Variants in SHC4 observed in about 807,000 individuals in gnomAD.
The protein encoded by SHC4 is SHC-transforming protein 4.
In SHC4, 41 loss-of-function variants were observed where a neutral mutation model predicts 69.4. The ratio of observed to expected loss-of-function variants is 0.59; its 90% CI spans 0.46 to 0.77. The LOEUF (loss-of-function observed/expected upper bound fraction) is 0.77, where lower values mean the gene tolerates loss of function less well. Among genes scored for constraint, SHC4 ranks in the 30% least tolerant of loss-of-function variants. The probability of loss-of-function intolerance (pLI) is 0.00; values close to 1 mark genes in which losing one functional copy is unlikely to be tolerated. For missense variants in SHC4, 777 were observed against 783.8 expected (o/e 0.99, Z 0.10); for synonymous variants, 318 against 299.3 (o/e 1.06, Z -0.64).
At chr15:48,937,460 T>G (rs969617167) in intron 1 of SHC4, among the ~76,000 whole-genome samples, 1 of 152,192 alleles carries the variant, frequency 6.6e-6, no homozygotes, top group Non-Finnish European at 1.5e-5. Context: ...CCAGATCTTT[T>G]GATGTTTAAA....
At chr15:48,944,690 G>A (rs1438230004) in intron 1 of SHC4, among the ~76,000 whole-genome samples, 1 of 152,190 alleles carries the variant, frequency 6.6e-6, no homozygotes, top group Non-Finnish European at 1.5e-5. Flanking sequence ...AATCTGAAGT[G>A]ATAAGGGGGA....
intron 8 of SHC4, among the ~76,000 whole-genome samples, chr15:48,854,944 C>A (rs1056746519): frequency 2.0e-5 from 3 of 152,100 alleles, no homozygotes; most frequent in Non-Finnish European, 2.9e-5. Flanking sequence ...CAAACCTGCA[C>A]ACATACTCCC....
intron 1 of SHC4, chr15:48,947,205 T>C (rs1163991170): frequency 1.3e-5 from 2 of 152,174 alleles, no homozygotes; most frequent in East Asian, 3.9e-4. Flanking sequence ...AAAATCAGCA[T>C]GAAAACAGAT....
At chr15:48,932,076 C>G (rs1487480914) in intron 1 of SHC4, among the ~76,000 whole-genome samples, 1 of 152,046 alleles carries the variant, frequency 6.6e-6, no homozygotes, top group East Asian at 1.9e-4. Context: ...GAATATGGCC[C>G]TCCCTAAGAT....
intron 7 of SHC4, among the ~76,000 whole-genome samples, chr15:48,857,041 T>C (rs1899333831): frequency 6.6e-6 from 1 of 152,204 alleles, no homozygotes; most frequent in African/African-American, 2.4e-5. Context: ...CATTTTAAAG[T>C]ACCCAAGAGT....
chr15:48,889,279 G>A (rs1900091008), intron 3 of SHC4, among the ~76,000 whole-genome samples: 1 of 152,200 alleles, frequency 6.6e-6, no homozygotes, highest in Non-Finnish European at 1.5e-5. Flanking sequence ...AGTCCTTGAT[G>A]GAATTTAAGA....
At chr15:48,903,596 A>C (rs961471379) in intron 2 of SHC4, among the ~76,000 whole-genome samples, 1 of 152,176 alleles carries the variant, frequency 6.6e-6, no homozygotes, top group Middle Eastern at 3.2e-3. Flanking sequence ...AATTACGTGG[A>C]GACCTCATTT....
At chr15:48,829,646 G>A (rs932747745) in intron 11 of SHC4, among the ~76,000 whole-genome samples, 4 of 152,306 alleles carry the variant, frequency 2.6e-5, no homozygotes, top group South Asian at 4.1e-4. Context: ...CTTGCCAGGC[G>A]TGGTGGCTCA....
At chr15:48,937,583 C>CATAGATAGATAGATAG (rs5812469) in intron 1 of SHC4, among the ~76,000 whole-genome samples, 175 of 147,930 alleles carry the variant, frequency 1.2e-3, no homozygotes, top group Admixed American at 2.4e-3. Context: ...CACACAGACA[C>CATAGATAGATAGATAG]ATAGATAGAT....
At chr15:48,852,433 G>T (rs1899232446) in intron 8 of SHC4, among the ~76,000 whole-genome samples, 1 of 152,206 alleles carries the variant, frequency 6.6e-6, no homozygotes, top group African/African-American at 2.4e-5. Context: ...TTGTAGAATT[G>T]AGATGGTATG....
intron 1 of SHC4, among the ~76,000 whole-genome samples, chr15:48,943,366 T>A (rs527899925): frequency 1.3e-4 from 20 of 152,332 alleles, no homozygotes; most frequent in Non-Finnish European, 2.9e-4. Flanking sequence ...TTTCTTTCTA[T>A]ATCTGGCTTA....
Position 48,847,996 on chromosome 15 carries a change from C to T in SHC4, c.1303+3192G>A, listed in dbSNP as rs545902510. Among the ~76,000 whole-genome samples the T allele has an allele frequency of 1.8e-3, 261 of 145,246 alleles. 1 individual carries two copies. The highest frequency in any genetic ancestry group is 6.3e-3 in the African/African-American group (249 of 39,440). On this transcript the variant is annotated intron_variant, in intron 9 of 11. Coordinates refer to ENST00000332408, the MANE Select transcript of SHC4 (RefSeq NM_203349.4). Reference sequence around the variant, plus strand: ...CAGCCCGAGCAACAAGAGCAAAACTCCGTCTAAAAAAAAAAAAAAAACAAA... The same window carrying T: ...CAGCCCGAGCAACAAGAGCAAAACTTCGTCTAAAAAAAAAAAAAAAACAAA...
At chr15:48,866,731 C>T (rs1235876451) in intron 6 of SHC4, among the ~76,000 whole-genome samples, 2 of 152,186 alleles carry the variant, frequency 1.3e-5, no homozygotes, top group Admixed American at 6.5e-5. Flanking sequence ...TACATTTCCA[C>T]CTCGGTGTCT....
At chr15:48,919,295 A>ATTTTTTTTTTATTTTTTTTT (rs1900692182) in intron 2 of SHC4, among the ~76,000 whole-genome samples, 1 of 71,216 alleles carries the variant, frequency 1.4e-5, no homozygotes, top group Non-Finnish European at 2.6e-5. Flanking sequence ...ATTTATTTTA[A>ATTTTTTTTTTATTTTTTTTT]TTTTTTTTTT....
chr15:48,963,108 A>G lies in SHC4; in HGVS notation c.-93T>C, dbSNP rs1422765070. 6 of 1,328,252 alleles carry G rather than the reference A, an allele frequency of 4.5e-6. No individual in the cohort carries two copies. The highest frequency in any genetic ancestry group is 5.1e-6 in the Non-Finnish European group (5 of 972,234). 82.3% of individuals were successfully genotyped at this position (1,328,252 alleles called of 1,614,324 possible). Reference sequence around the variant, plus strand: ...CAGACATCAGATACCTCAACGCCCGATGCAACTCACAGCAGCCACCTCTCC... The same window carrying G: ...CAGACATCAGATACCTCAACGCCCGGTGCAACTCACAGCAGCCACCTCTCC... On this transcript the variant is annotated 5_prime_UTR_variant, in exon 1 of 12. Transcript: ENST00000332408.
intron 4 of SHC4, among the ~76,000 whole-genome samples, chr15:48,876,246 G>C (rs1899796130): frequency 6.6e-6 from 1 of 152,188 alleles, no homozygotes; most frequent in Non-Finnish European, 1.5e-5. Flanking sequence ...AGCCAAACTG[G>C]AATCATGCGG....
In SHC4 at chr15:48,924,913, A is replaced by T; in HGVS notation, c.622T>A (p.Ser208Thr). 2 of 1,614,174 alleles carry T rather than the reference A, an allele frequency of 1.2e-6. No homozygotes were observed. The highest frequency in any genetic ancestry group is 1.7e-6 in the Non-Finnish European group (2 of 1,180,014). The change falls in exon 2 of 12, where the codon TCA (serine) becomes ACA (threonine). Residue 208 changes from serine to threonine, a missense_variant. By Grantham distance (58) the Ser-to-Thr change is moderately conservative. Coordinates refer to ENST00000332408, the MANE Select transcript of SHC4 (RefSeq NM_203349.4). ...GCVEVLQSMR[S>T]LDFGMRTQVT... ...TGGGTTCTCATTCCAAAATCCAGTG[A>T]TCTCATTGATTGCAGCACTTCAACA...
intron 1 of SHC4, among the ~76,000 whole-genome samples, chr15:48,925,214 A>G (rs894503484): frequency 1.1e-4 from 17 of 152,334 alleles, no homozygotes; most frequent in African/African-American, 4.1e-4. Flanking sequence ...GGTTAAGATC[A>G]TGGGCTCTGG....
At chr15:48,870,364 T>A (rs1471169557) in intron 5 of SHC4, among the ~76,000 whole-genome samples, 1 of 152,206 alleles carries the variant, frequency 6.6e-6, no homozygotes, top group Non-Finnish European at 1.5e-5. Context: ...ACCTTGTATG[T>A]CCCTTGTTTG....
Sources: allele counts gnomAD v4.1 joint callset (sites outside exome capture counted in the v4.1 genomes callset), GRCh38; gene constraint gnomAD v4.1.1; transcripts MANE v1.5; gene names NCBI Gene and HGNC (gene_info 2026-07-23, HGNC 2026-07-21).